The following PCDHGA5 variants were observed in gnomAD, a reference collection of about 807,000 sequenced individuals.
PCDHGA5 encodes protocadherin gamma subfamily A, 5.
PCDHGA5 carries 36 observed loss-of-function variants against 56.7 expected under a neutral mutation model. The ratio of observed to expected loss-of-function variants is 0.64; its 90% confidence interval spans 0.49 to 0.84. PCDHGA5 has a LOEUF of 0.84. PCDHGA5 is among the 40% of genes least tolerant of loss of function. The pLI, the probability that PCDHGA5 is intolerant of heterozygous loss-of-function variation, is 0.00. For synonymous variants in PCDHGA5, 563 were observed against 520.2 expected, an observed-to-expected ratio of 1.08 and a Z score of -1.12; for missense variants, 1,305 against 1,201.5, an observed-to-expected ratio of 1.09 and a Z score of -1.27.
chr5:141,389,845 C>T, intron 1 of PCDHGA5: 1 of 1,614,054 alleles, frequency 6.2e-7, no homozygotes. Context: ...CCACTCTCGG[C>T]CACTGCCACG....
At position 141,393,784 on chromosome 5, in the gene PCDHGA5, T is replaced by A. The variant is rs1554094164; in HGVS notation, c.2421+27033T>A. 3 of 1,613,864 alleles carry A rather than the reference T, an allele frequency of 1.9e-6. No homozygotes were observed. The South Asian group carries it at 3.3e-5, about 18-fold the overall frequency. ...GAAATGGAAATACAAGCCGAAGATG[T>A]GGGGGCACTTCTGGGGAGGACCAAA... On this transcript the variant is annotated intron_variant, in intron 1 of 3. Coordinates refer to ENST00000518069, the MANE Select transcript of PCDHGA5 (RefSeq NM_018918.3).
Position 141,403,685 on chromosome 5 carries a change from C to G in PCDHGA5, c.2421+36934C>G, listed in dbSNP as rs778849334. On this transcript the variant is annotated intron_variant, in intron 1 of 3. Coordinates refer to ENST00000518069, the MANE Select transcript of PCDHGA5 (RefSeq NM_018918.3). ...TGATAATGCCCCGGTTTTTGCTCAA[C>G]GGATTTACCGAGTTAAAGTCCTTGA... 8 of 1,613,704 alleles carry G rather than the reference C, an allele frequency of 5.0e-6. No homozygotes were observed. In the Admixed American group the frequency reaches 1.0e-4, roughly 20 times the overall value.
chr5:141,384,812 T>C, intron 1 of PCDHGA5: 1 of 1,613,428 alleles, frequency 6.2e-7, no homozygotes, highest in African/African-American at 1.3e-5. Context: ...AGAGATGCCC[T>C]CAAGCAGAGC....
Position 141,450,758 on chromosome 5 carries a change from A to C in PCDHGA5, c.2422-44049A>C, listed in dbSNP as rs1007910264. On this transcript the variant is annotated intron_variant, in intron 1 of 3. Transcript: ENST00000518069. ...CGCCTTGGCCTCCCAAAGTGCCGGGATTACAGGCATGAGCCACCGTGCCCG... is the reference window on the plus strand; with the variant it reads ...CGCCTTGGCCTCCCAAAGTGCCGGGCTTACAGGCATGAGCCACCGTGCCCG... Among the ~76,000 whole-genome samples the C allele has an allele frequency of 5.3e-5, 8 of 151,784 alleles. No individual in the cohort carries two copies. In the East Asian group the frequency reaches 1.4e-3, roughly 26 times the overall value.
chr5:141,412,020 C>G (rs1158851404), intron 1 of PCDHGA5: 1 of 145,358 alleles, frequency 6.9e-6, no homozygotes, highest in Non-Finnish European at 1.5e-5. Context: ...TCTGAACATC[C>G]TGTTCTCTGT....
chr5:141,450,104 T>A (rs1041853602), intron 1 of PCDHGA5, among the ~76,000 whole-genome samples: 1 of 150,664 alleles, frequency 6.6e-6, no homozygotes, highest in African/African-American at 2.5e-5. Flanking sequence ...CCTCCCAGGT[T>A]CAAATGATTC....
At chr5:141,426,756 G>C in intron 1 of PCDHGA5, 1 of 456,302 alleles carries the variant, frequency 2.2e-6, no homozygotes, top group Non-Finnish European at 4.4e-6. Context: ...ATCTGCTATA[G>C]ATGCAGATGT....
intron 1 of PCDHGA5, among the ~76,000 whole-genome samples, chr5:141,450,267 C>T (rs971441306): frequency 4.6e-5 from 7 of 152,106 alleles, no homozygotes; most frequent in African/African-American, 1.7e-4. Context: ...ATCTGCCCAC[C>T]TCAGCTAAGT....
chr5:141,409,217 G>T (rs1394491727), intron 1 of PCDHGA5: 3 of 1,613,852 alleles, frequency 1.9e-6, no homozygotes, highest in Non-Finnish European at 2.5e-6. Flanking sequence ...AGAAATCCTT[G>T]ATGAAAACGA....
chr5:141,390,528 G>T (rs1438036547), intron 1 of PCDHGA5: 1 of 537,820 alleles, frequency 1.9e-6, no homozygotes, highest in Non-Finnish European at 3.3e-6. Context: ...TGAGGGTGTG[G>T]TTTTAACCAC....
At chr5:141,372,619 C>G (rs771812483) in intron 1 of PCDHGA5, 1 of 1,613,968 alleles carries the variant, frequency 6.2e-7, no homozygotes, top group Non-Finnish European at 8.5e-7. Context: ...GTTCTCCCCA[C>G]CTACAGCGAA....
chr5:141,478,097 A>G lies in PCDHGA5; in HGVS notation c.2422-16710A>G, dbSNP rs757796085. Reference sequence around the variant, plus strand: ...GGAGCCTTCGCTCTCCACCACTGCTACCCTCACTGTGTCAGTAACCGAGGA... The same window carrying G: ...GGAGCCTTCGCTCTCCACCACTGCTGCCCTCACTGTGTCAGTAACCGAGGA... On this transcript the variant is annotated intron_variant, in intron 1 of 3. Transcript: ENST00000518069. 9.9e-6 allele frequency: 16 copies of G among 1,613,666 alleles called. No homozygotes were observed. Among genetic ancestry groups the G allele is most frequent in the Admixed American group, 1.7e-5 (1 of 59,970 alleles).
intron 2 of PCDHGA5, among the ~76,000 whole-genome samples, chr5:141,495,922 C>G (rs1263216717): frequency 6.6e-6 from 1 of 152,100 alleles, no homozygotes; most frequent in Non-Finnish European, 1.5e-5. Context: ...CTTTCTTTGT[C>G]TCTGTCTCTG....
intron 1 of PCDHGA5, among the ~76,000 whole-genome samples, chr5:141,380,822 T>G (rs1446261285): frequency 1.3e-5 from 2 of 152,212 alleles, no homozygotes; most frequent in African/African-American, 4.8e-5. Flanking sequence ...AACTATGAAT[T>G]TTGAGGCATC....
Position 141,431,168 on chromosome 5 carries a change from G to A in PCDHGA5, c.2422-63639G>A, listed in dbSNP as rs779778442. On this transcript the variant is annotated intron_variant, in intron 1 of 3. Coordinates refer to ENST00000518069, the MANE Select transcript of PCDHGA5 (RefSeq NM_018918.3). This position sits in a 1 kb window ranked among gnomAD's most constrained non-coding sequence, Gnocchi z 4.8. Reference sequence around the variant, plus strand: ...CAATGCGCCTTACTTTCGTGAAAGTGAATTAGAAATAAAAATTAGTGAAAA... The same window carrying A: ...CAATGCGCCTTACTTTCGTGAAAGTAAATTAGAAATAAAAATTAGTGAAAA... The A allele has an allele frequency of 9.9e-6, 16 of 1,614,206 alleles. No individual in the cohort carries two copies. The Admixed American group carries it at 1.2e-4, about 12-fold the overall frequency.
chr5:141,407,599 AAAG>A (rs1328416590), intron 1 of PCDHGA5, among the ~76,000 whole-genome samples: 13 of 152,198 alleles, frequency 8.5e-5, no homozygotes, highest in Admixed American at 2.0e-4. Flanking sequence ...CTCATCTTAA[AAAG>A]AAGCATTGGT....
chr5:141,393,430 C>T, intron 1 of PCDHGA5: 1 of 1,614,040 alleles, frequency 6.2e-7, no homozygotes, highest in Non-Finnish European at 8.5e-7. Context: ...GAGGAAGAGG[C>T]TGCTCACCAC....
Position 141,366,264 on chromosome 5 carries a change from C to T in PCDHGA5, c.1934C>T (p.Ala645Val). The change falls in exon 1 of 4, where the codon GCC becomes GTC. Residue 645 changes from alanine (A) to valine (V), a missense_variant. Physicochemically the swap from Ala to Val is moderately conservative, Grantham distance 64. Transcript: ENST00000518069. ...GCGCTCAAGCAGAGCCTCGTGGTGG[C>T]CGTCGAAGACCATGGCCAGCCCCCT... ...RDALKQSLVVAVEDHGQPPLS... is the reference protein window; with the variant it reads ...RDALKQSLVVVVEDHGQPPLS... The T allele has an allele frequency of 6.2e-7, 1 of 1,613,686 alleles. No individual in the cohort carries two copies. Among genetic ancestry groups the T allele is most frequent in the East Asian group, 2.2e-5 (1 of 44,890 alleles).
chr5:141,405,273 A>G (rs762280864), intron 1 of PCDHGA5: 5 of 1,613,974 alleles, frequency 3.1e-6, no homozygotes, highest in African/African-American at 2.7e-5. Context: ...CCCCAGCCCA[A>G]CTATGCAGAC....
Sources: allele counts gnomAD v4.1 joint callset (sites outside exome capture counted in the v4.1 genomes callset), GRCh38; gene constraint gnomAD v4.1.1; non-coding constraint Gnocchi (gnomAD v3.1); transcripts MANE v1.5; gene names NCBI Gene and HGNC (gene_info 2026-07-23, HGNC 2026-07-21).